Variants in TNFRSF21 observed in about 807,000 individuals in gnomAD.
The protein encoded by TNFRSF21 is tumor necrosis factor receptor superfamily member 21.
Under a neutral mutation model 45.6 loss-of-function variants are expected in TNFRSF21, and 19 were observed. The observed-to-expected ratio is 0.42, with a 90% CI of 0.29 to 0.61. The LOEUF is 0.61. TNFRSF21 is among the 20% of genes least tolerant of loss of function. TNFRSF21 has a pLI of 0.23. For synonymous variants in TNFRSF21, 314 were observed against 335.5 expected (o/e 0.94, Z 0.70); for missense variants, 737 against 851.5 (o/e 0.87, Z 1.67).
chr6:47,282,559 A>G (rs1762585385), intron 3 of TNFRSF21, among the ~76,000 whole-genome samples: 1 of 152,318 alleles, frequency 6.6e-6, no homozygotes, highest in Admixed American at 6.5e-5. Flanking sequence ...GTTTCGTTAT[A>G]GAAGTGGCAT....
In TNFRSF21 at chr6:47,309,531, AGGGGCGCCCGGGGCGCGCG is replaced by A; in HGVS notation, c.-39_-21del. 1 of 1,416,136 alleles carries A rather than the reference AGGGGCGCCCGGGGCGCGCG, an allele frequency of 7.1e-7. No individual in the cohort carries two copies. The highest frequency in any genetic ancestry group is 9.2e-7 in the Non-Finnish European group (1 of 1,092,476). The allele number at this position is 1,416,136 out of a possible 1,614,324, so 87.7% of individuals were successfully genotyped here. A position where few individuals can be genotyped will look rare whatever the true frequency, so the allele number is the denominator to read the frequency against. ...CCCCATGGCTGAACCGGGGACTCGC[AGGGGCGCCCGGGGCGCGCG>A]GGGCAGCTGGAATCGGCGGCTGCTT... On this transcript the variant is annotated 5_prime_UTR_variant, in exon 1 of 6. Transcript: ENST00000296861.
chr6:47,245,491 T>C (rs931543251), intron 4 of TNFRSF21, among the ~76,000 whole-genome samples: 2 of 151,290 alleles, frequency 1.3e-5, no homozygotes, highest in African/African-American at 2.4e-5. Context: ...GGGCAGGGAG[T>C]GTATATTAAT....
At chr6:47,277,967 C>T (rs1368361020) in intron 3 of TNFRSF21, among the ~76,000 whole-genome samples, 3 of 152,276 alleles carry the variant, frequency 2.0e-5, no homozygotes, top group African/African-American at 4.8e-5. Context: ...TAGTTAAACA[C>T]GAGCACCTAA....
At chr6:47,234,413 CATGAGGATAAAGGGTGGCCGATA>C (rs1764631728) in intron 5 of TNFRSF21, among the ~76,000 whole-genome samples, 1 of 152,218 alleles carries the variant, frequency 6.6e-6, no homozygotes, top group Admixed American at 6.5e-5. Context: ...TTGATAGCAT[CATGAGGATAAAGGGTGGCCGATA>C]GCTCTCCACC....
At chr6:47,297,981 T>A (rs1762813714) in intron 1 of TNFRSF21, among the ~76,000 whole-genome samples, 1 of 151,234 alleles carries the variant, frequency 6.6e-6, no homozygotes, top group African/African-American at 2.4e-5. Flanking sequence ...CAGTAAAGAG[T>A]TAAAAGAGAA....
At chr6:47,245,691 T>C (rs912066201) in intron 4 of TNFRSF21, among the ~76,000 whole-genome samples, 2 of 152,194 alleles carry the variant, frequency 1.3e-5, no homozygotes, top group African/African-American at 4.8e-5. Context: ...ATGACAATGG[T>C]ATATCTTACA....
At chr6:47,239,372 G>T (rs1490780669) in intron 4 of TNFRSF21, among the ~76,000 whole-genome samples, 1 of 150,694 alleles carries the variant, frequency 6.6e-6, no homozygotes, top group Non-Finnish European at 1.5e-5. Flanking sequence ...TCACTTCCCT[G>T]TTGACTGACC....
At position 47,286,090 on chromosome 6, in the gene TNFRSF21, T is replaced by G. The variant is rs759167419; in HGVS notation, c.602A>C (p.Lys201Thr). 1.2e-5 allele frequency: 20 copies of G among 1,614,206 alleles called. No individual in the cohort carries two copies. The Middle Eastern group carries it at 4.9e-4, about 40-fold the overall frequency. The change falls in exon 2 of 6, where the codon AAG becomes ACG. Residue 201 changes from lysine (K) to threonine (T), a missense_variant. Lys to Thr is a moderately conservative substitution (Grantham distance 78). Coordinates refer to ENST00000296861, the MANE Select transcript of TNFRSF21 (RefSeq NM_014452.5). ...GTTGTCTGTCTCCTTGGTCCCCGGC[T>G]TGATCACCACCAGGTTCTGACTCAG... is the stretch of plus-strand genomic sequence containing the variant. ...DCLSQNLVVIKPGTKETDNVC... is the reference protein window; with the variant it reads ...DCLSQNLVVITPGTKETDNVC...
intron 3 of TNFRSF21, among the ~76,000 whole-genome samples, chr6:47,261,569 G>A (rs1268883980): frequency 6.6e-6 from 1 of 152,164 alleles, no homozygotes; most frequent in South Asian, 2.1e-4. Context: ...GAGAAGAAAG[G>A]ACAACAGTTC....
At chr6:47,304,749 G>C (rs1762915022) in intron 1 of TNFRSF21, among the ~76,000 whole-genome samples, 1 of 152,018 alleles carries the variant, frequency 6.6e-6, no homozygotes, top group Non-Finnish European at 1.5e-5. Context: ...TCCCATTTAC[G>C]AGGAATTTTT....
chr6:47,272,836 C>T (rs935658473), intron 3 of TNFRSF21, among the ~76,000 whole-genome samples: 1 of 152,128 alleles, frequency 6.6e-6, no homozygotes, highest in South Asian at 2.1e-4. Context: ...AGGGATATCA[C>T]CACCGATCCC....
intron 4 of TNFRSF21, among the ~76,000 whole-genome samples, chr6:47,245,805 G>A (rs895691184): frequency 6.6e-6 from 1 of 152,168 alleles, no homozygotes; most frequent in African/African-American, 2.4e-5. Context: ...AAGAAATGAG[G>A]TTTCATATGC....
chr6:47,252,027 T>C (rs184702683), intron 4 of TNFRSF21, among the ~76,000 whole-genome samples: 3 of 152,324 alleles, frequency 2.0e-5, no homozygotes, highest in Non-Finnish European at 2.9e-5. Context: ...TAAATTGTTA[T>C]TATCCAGTTA....
Position 47,234,687 on chromosome 6 carries a change from C to G in TNFRSF21, c.1721G>C (p.Gly574Ala). Residue 574 changes from glycine (G) to alanine (A), a missense_variant, in exon 5 of 6, where the codon GGT becomes GCT. By Grantham distance (60) the Gly-to-Ala change is moderately conservative (BLOSUM62 0). Transcript: ENST00000296861. ...GCCCGTACCTTTGGTAATAAAGGAA[C>G]CGTTCCTGCTCAGCGCGGAGGAGCC... ...SSGSSALSRN[G>A]SFITKEKKDT... 6.2e-7 allele frequency: 1 copy of G among 1,609,676 alleles called. No homozygotes were observed. Among genetic ancestry groups the G allele is most frequent in the Non-Finnish European group, 8.5e-7 (1 of 1,178,178 alleles).
At chr6:47,238,914 C>G (rs1764703919) in intron 4 of TNFRSF21, among the ~76,000 whole-genome samples, 1 of 152,154 alleles carries the variant, frequency 6.6e-6, no homozygotes, top group Admixed American at 6.5e-5. Context: ...CAGCTGTGTC[C>G]TTGCCAACCC....
rs755423616 is a variant in TNFRSF21 at position 47,233,006 on chromosome 6, A to T, written c.1739-12T>A. ...TGTGTCCTTCTTTTCTGCAGAGAAGAGAGGGAAGCAAAGACAGCTGTAAGG... is the reference window on the plus strand; with the variant it reads ...TGTGTCCTTCTTTTCTGCAGAGAAGTGAGGGAAGCAAAGACAGCTGTAAGG... On this transcript the variant is annotated splice_polypyrimidine_tract_variant and intron_variant, in intron 5 of 5. Coordinates refer to ENST00000296861, the MANE Select transcript of TNFRSF21 (RefSeq NM_014452.5). 1.2e-6 allele frequency: 2 copies of T among 1,613,666 alleles called. No homozygotes were observed. Among genetic ancestry groups the T allele is most frequent in the African/African-American group, 2.7e-5 (2 of 75,034 alleles).
intron 1 of TNFRSF21, among the ~76,000 whole-genome samples, chr6:47,292,366 C>T (rs1234174074): frequency 6.6e-6 from 1 of 151,628 alleles, no homozygotes; most frequent in Non-Finnish European, 1.5e-5. Context: ...TCAAAATTAC[C>T]TGGGAAGCTT....
chr6:47,247,810 T>C (rs918072517), intron 4 of TNFRSF21, among the ~76,000 whole-genome samples: 8 of 152,218 alleles, frequency 5.3e-5, no homozygotes, highest in Admixed American at 1.3e-4. Flanking sequence ...TCCTGAGACA[T>C]AGGTCCCCTA....
At position 47,286,241 on chromosome 6, in the gene TNFRSF21, G is replaced by T. The variant is rs372607911; in HGVS notation, c.451C>A (p.Pro151Thr). ...NATCAPHTVC[P>T]VGWGVRKKGT... The stretch of plus-strand genomic sequence containing the variant: ...TTCTTCCGCACACCCCAACCCACAG[G>T]ACACACCGTATGGGGGGCACAGGTA... The change falls in exon 2 of 6, where the codon CCT becomes ACT. Residue 151 changes from proline to threonine, a missense_variant. Physicochemically the swap from Pro to Thr is conservative, Grantham distance 38. Transcript: ENST00000296861. 4 of 1,614,162 alleles carry T rather than the reference G, an allele frequency of 2.5e-6. No homozygotes were observed. The highest frequency in any genetic ancestry group is 3.4e-6 in the Non-Finnish European group (4 of 1,180,026).
Sources: gnomAD v4.1 joint callset for allele counts (sites outside exome capture counted in the v4.1 genomes callset) on GRCh38, gnomAD v4.1.1 for gene constraint, MANE v1.5 for transcripts, NCBI Gene and HGNC (gene_info 2026-07-23, HGNC 2026-07-21) for gene names.